FAT4: variants seen among roughly 807,000 people sequenced by gnomAD.
FAT4 encodes the protein FAT atypical cadherin 4, also known as protocadherin Fat 4.
Under a neutral mutation model 303.9 loss-of-function variants are expected in FAT4, and 84 were observed. The ratio of observed to expected loss-of-function variants is 0.28; its 90% CI spans 0.23 to 0.33. The LOEUF (loss-of-function observed/expected upper bound fraction) is 0.33, where lower values mean the gene tolerates loss of function less well. Among genes scored for constraint, FAT4 ranks in the 10% least tolerant of loss-of-function variants. The pLI, the probability that FAT4 is intolerant of heterozygous loss-of-function variation, is 1.00. For synonymous variants in FAT4, 2,307 were observed against 2,298.8 expected (o/e 1.00, Z -0.10); for missense variants, 6,005 against 6,146.8 (o/e 0.98, Z 0.77).
At chr4:125,353,458 C>T in intron 2 of FAT4, among the ~76,000 whole-genome samples, 1 of 151,448 alleles carries the variant, frequency 6.6e-6, no homozygotes, top group Non-Finnish European at 1.5e-5. Flanking sequence ...GGTATTGGCT[C>T]AGAAATGAGA....
At chr4:125,458,281 A>C (rs929428802) in intron 10 of FAT4, among the ~76,000 whole-genome samples, 1 of 152,040 alleles carries the variant, frequency 6.6e-6, no homozygotes, top group Non-Finnish European at 1.5e-5. Flanking sequence ...CAGTATAAAC[A>C]GTAAAATTTT....
intron 10 of FAT4, among the ~76,000 whole-genome samples, chr4:125,462,057 C>T (rs1442364418): frequency 6.6e-6 from 1 of 151,850 alleles, no homozygotes; most frequent in African/African-American, 2.4e-5. Context: ...AAATTGTTAG[C>T]TCAATGTTTT....
At position 125,450,601 on chromosome 4, in the gene FAT4, C is replaced by T. The variant is rs1578658504; in HGVS notation, c.9591C>T (p.Leu3197=). 1 of 1,614,112 alleles carries T rather than the reference C, an allele frequency of 6.2e-7. No homozygotes were observed. Among genetic ancestry groups the T allele is most frequent in the East Asian group, 2.2e-5 (1 of 44,860 alleles). The part of the protein sequence containing the change: ...IDVNDNSPVF[L]SDDYFPTVLE... ...TGAATGATAATTCTCCAGTATTCCT[C>T]TCTGATGACTATTTCCCTACTGTTT... Residue 3197 remains leucine, a synonymous_variant, in exon 10 of 18, where the codon CTC becomes CTT. Coordinates refer to ENST00000394329, the MANE Select transcript of FAT4 (RefSeq NM_001291303.3).
intron 7 of FAT4, among the ~76,000 whole-genome samples, chr4:125,430,552 T>C (rs1362638636): frequency 6.6e-6 from 1 of 152,060 alleles, no homozygotes; most frequent in Non-Finnish European, 1.5e-5. Flanking sequence ...CTGTAAGGTT[T>C]CCTATGAAAA....
At position 125,376,880 on chromosome 4, in the gene FAT4, T is replaced by C. The variant is rs988214154; in HGVS notation, c.5176-21904T>C. On this transcript the variant is annotated intron_variant, in intron 2 of 17. Coordinates refer to ENST00000394329, the MANE Select transcript of FAT4 (RefSeq NM_001291303.3). ...AGCCTGGGCAACAAGAGTGAAACTC[T>C]ATCTCAAAAATAAATAAATAAATAA... 2.0e-5 allele frequency among the ~76,000 whole-genome samples: 3 copies of C among 152,102 alleles called. No homozygotes were observed. In the East Asian group the frequency reaches 5.8e-4, roughly 29 times the overall value.
At position 125,477,310 on chromosome 4, in the gene FAT4, T is replaced by C; in HGVS notation, c.12455T>C (p.Leu4152Ser). The C allele has an allele frequency of 1.3e-6, 2 of 1,582,870 alleles. No individual in the cohort carries two copies. Among genetic ancestry groups the C allele is most frequent in the Non-Finnish European group, 8.6e-7 (1 of 1,164,322 alleles). The change falls in exon 14 of 18, where the codon TTG becomes TCG. Residue 4152 changes from leucine to serine, a missense_variant. By Grantham distance (145) the Leu-to-Ser change is moderately radical. Transcript: ENST00000394329. ...NGRPLEPSQA[L>S]AAQGILDQCP... is the part of the protein sequence containing the mutation. Reference sequence around the variant, plus strand: ...AGGCCTCTGGAACCCAGCCAAGCTTTGGCAGCACAAGGCATCCTAGATCAG... The same window carrying C: ...AGGCCTCTGGAACCCAGCCAAGCTTCGGCAGCACAAGGCATCCTAGATCAG...
Position 125,487,330 on chromosome 4 carries a change from T to A in FAT4, c.12823-15T>A, listed in dbSNP as rs760834266. On this transcript the variant is annotated splice_polypyrimidine_tract_variant and intron_variant, in intron 16 of 17. Coordinates refer to ENST00000394329, the MANE Select transcript of FAT4 (RefSeq NM_001291303.3). ...CCATATTTTAATTGCATACTATTTT[T>A]AATATGTTTTACAGATTAAGAATGG... 4.4e-6 allele frequency: 7 copies of A among 1,591,854 alleles called. No homozygotes were observed. In the East Asian group the frequency reaches 1.3e-4, roughly 31 times the overall value.
Position 125,481,455 on chromosome 4 carries a change from A to G in FAT4, c.12605-66A>G, listed in dbSNP as rs190888533. On this transcript the variant is annotated intron_variant, in intron 15 of 17. Coordinates refer to ENST00000394329, the MANE Select transcript of FAT4 (RefSeq NM_001291303.3). ...TTGTCCTTTTTATATTTTTGTCACT[A>G]TAGAAAACACTCCAAGAAATGCCAA... 1.8e-4 allele frequency: 259 copies of G among 1,410,600 alleles called. 1 individual carries two copies. The African/African-American group carries it at 3.3e-3, about 18-fold the overall frequency. The allele number at this position is 1,410,600 out of a possible 1,614,324, so 87.4% of individuals were successfully genotyped here.
At position 125,451,357 on chromosome 4, in the gene FAT4, G is replaced by T. The variant is rs777874905; in HGVS notation, c.10347G>T (p.Gly3449=). 62 of 1,613,984 alleles carry T rather than the reference G, an allele frequency of 3.8e-5. No individual in the cohort carries two copies. The highest frequency in any genetic ancestry group is 5.3e-5 in the Non-Finnish European group (62 of 1,180,008). The change falls in exon 10 of 18, where the codon GGG becomes GGT. Residue 3449 remains glycine, a synonymous_variant. Transcript: ENST00000394329. The stretch of plus-strand genomic sequence containing the variant: ...GGTTTTCTTACTTCATCGGATCAGG[G>T]AATGAAAATGGTGCCTTTTCTATTA... ...WSRFSYFIGS[G]NENGAFSINP...
In FAT4 at chr4:125,434,237, C is replaced by A. The variant is rs747245552; in HGVS notation, c.7019-8C>A. ...AAACATTGAGACTTGATTTTCTTTT[C>A]TTTTTAGGATCCCCTGCCTTGACTG... On this transcript the variant is annotated splice_region_variant and splice_polypyrimidine_tract_variant and intron_variant, in intron 7 of 17. Coordinates refer to ENST00000394329, the MANE Select transcript of FAT4 (RefSeq NM_001291303.3). The A allele has an allele frequency of 1.3e-6, 2 of 1,594,882 alleles. No homozygotes were observed. The highest frequency in any genetic ancestry group is 2.3e-5 in the South Asian group (2 of 88,154).
chr4:125,359,017 T>C (rs1732545461), intron 2 of FAT4, among the ~76,000 whole-genome samples: 2 of 152,204 alleles, frequency 1.3e-5, no homozygotes, highest in South Asian at 2.1e-4. Context: ...TGAGTAATCA[T>C]TGCCATTATT....
At chr4:125,355,945 A>G (rs1732407150) in intron 2 of FAT4, among the ~76,000 whole-genome samples, 1 of 152,020 alleles carries the variant, frequency 6.6e-6, no homozygotes, top group Non-Finnish European at 1.5e-5. Flanking sequence ...TGATTGACAT[A>G]GCAATATCCT....
rs1384535108 is a variant in FAT4 at position 125,477,069 on chromosome 4, C to T, written c.12300-86C>T. The T allele has an allele frequency of 2.9e-6, 3 of 1,048,380 alleles. No individual in the cohort carries two copies. In the African/African-American group the frequency reaches 5.0e-5, roughly 17 times the overall value. 64.9% of individuals were successfully genotyped at this position (1,048,380 alleles called of 1,614,324 possible). A position where few individuals can be genotyped will look rare whatever the true frequency, so the allele number is the denominator to read the frequency against. Reference sequence around the variant, plus strand: ...CACTATAATAAATGTCAAAAAAAAGCTATATTCACTCTTTTTCGAACTAAA... The same window carrying T: ...CACTATAATAAATGTCAAAAAAAAGTTATATTCACTCTTTTTCGAACTAAA... On this transcript the variant is annotated intron_variant, in intron 13 of 17. Coordinates refer to ENST00000394329, the MANE Select transcript of FAT4 (RefSeq NM_001291303.3).
At chr4:125,444,660 A>C (rs1725765389) in intron 8 of FAT4, among the ~76,000 whole-genome samples, 2 of 9,834 alleles carry the variant, frequency 2.0e-4, no homozygotes, top group Non-Finnish European at 4.5e-4. Flanking sequence ...CATCCAGATG[A>C]AAATTTATGT....
chr4:125,446,619 TA>T (rs1725838693), intron 9 of FAT4, 76 bp downstream of exon 9: 1 of 1,341,046 alleles, frequency 7.5e-7, no homozygotes, highest in South Asian at 1.8e-5. Flanking sequence ...ATATTTATGA[TA>T]TTTTACATAC....
rs1037923157 is a variant in FAT4 at position 125,415,793 on chromosome 4, G to A, written c.6830G>A (p.Arg2277Lys). The A allele has an allele frequency of 6.2e-7, 1 of 1,609,922 alleles. No homozygotes were observed. Among genetic ancestry groups the A allele is most frequent in the African/African-American group, 1.3e-5 (1 of 74,752 alleles). Reference sequence around the variant, plus strand: ...CCTGAGAATTTAGGGACACTACCCAGAACAATTCTTCAGGTCAGTATATTT... The same window carrying A: ...CCTGAGAATTTAGGGACACTACCCAAAACAATTCTTCAGGTCAGTATATTT... ...NVPENLGTLP[R>K]TILQVVARDD... The change falls in exon 6 of 18, where the codon AGA becomes AAA. Residue 2277 changes from arginine (R) to lysine (K), a missense_variant. Physicochemically the swap from Arg to Lys is conservative, Grantham distance 26 (BLOSUM62 2). Transcript: ENST00000394329.
At chr4:125,322,331 G>A (rs1005363967) in intron 2 of FAT4, among the ~76,000 whole-genome samples, 7 of 152,202 alleles carry the variant, frequency 4.6e-5, no homozygotes, top group Non-Finnish European at 8.8e-5. Context: ...TTGTTGGTGA[G>A]TAAGAAATTA....
intron 12 of FAT4, among the ~76,000 whole-genome samples, chr4:125,469,815 T>C (rs1726796908): frequency 6.6e-6 from 1 of 152,132 alleles, no homozygotes; most frequent in Admixed American, 6.6e-5. Context: ...TCCTCCGAAC[T>C]CCTTTTAATA....
intron 2 of FAT4, among the ~76,000 whole-genome samples, chr4:125,337,621 A>G (rs1368894086): frequency 6.6e-6 from 1 of 152,098 alleles, no homozygotes; most frequent in Non-Finnish European, 1.5e-5. Flanking sequence ...GATGGAGCCA[A>G]TACTGTAACT....
Sources: gnomAD v4.1 joint callset for allele counts (sites outside exome capture counted in the v4.1 genomes callset) on GRCh38, gnomAD v4.1.1 for gene constraint, MANE v1.5 for transcripts, NCBI Gene and HGNC (gene_info 2026-07-23, HGNC 2026-07-21) for gene names.